Variants in RAD54B observed in about 807,000 individuals in gnomAD.
RAD54B encodes the protein DNA repair and recombination protein RAD54B.
RAD54B carries 78 observed loss-of-function variants against 95.8 expected under a neutral mutation model. The ratio of observed to expected loss-of-function variants is 0.81; its 90% CI spans 0.68 to 0.98. The LOEUF (loss-of-function observed/expected upper bound fraction) is 0.98, where lower values mean the gene tolerates loss of function less well. Ranked by LOEUF, RAD54B falls within the 50% of genes least tolerant of loss-of-function variation. The pLI, the probability that RAD54B is intolerant of heterozygous loss-of-function variation, is 0.00. For missense variants in RAD54B, 957 were observed against 1,056.6 expected, an observed-to-expected ratio of 0.91 and a Z score of 1.31; for synonymous variants, 328 against 354.9, an observed-to-expected ratio of 0.92 and a Z score of 0.85.
At chr8:94,462,158 T>C (rs776535542) in intron 2 of RAD54B, among the ~76,000 whole-genome samples, 72 of 152,204 alleles carry the variant, frequency 4.7e-4, no homozygotes, top group Non-Finnish European at 9.8e-4. Context: ...GGGGCAAGAA[T>C]ACAACAGTTC....
chr8:94,400,276 G>T lies in RAD54B; in HGVS notation c.1132C>A (p.Leu378Ile). Residue 378 changes from leucine (L) to isoleucine (I), a missense_variant, in exon 7 of 15, where the codon CTA (leucine) becomes ATA (isoleucine). Leu to Ile is a conservative substitution (Grantham distance 5). Transcript: ENST00000336148. Reference protein sequence around the residue: ...NNWKKEFQKWLGSERIKIFTV... With the variant: ...NNWKKEFQKWIGSERIKIFTV... ...AATATCTTGATCCTTTCACTTCCTAGCCATTTTTGAAATTCTTTCTTCCAA... is the reference window on the plus strand; with the variant it reads ...AATATCTTGATCCTTTCACTTCCTATCCATTTTTGAAATTCTTTCTTCCAA... 1 of 1,613,570 alleles carries T rather than the reference G, an allele frequency of 6.2e-7. No individual in the cohort carries two copies. Among genetic ancestry groups the T allele is most frequent in the Non-Finnish European group, 8.5e-7 (1 of 1,179,754 alleles).
chr8:94,448,184 T>C (rs1812566045), intron 3 of RAD54B, among the ~76,000 whole-genome samples: 1 of 152,106 alleles, frequency 6.6e-6, no homozygotes, highest in Non-Finnish European at 1.5e-5. Flanking sequence ...CTGAATGTCA[T>C]TATTATTTCA....
At chr8:94,444,352 A>G (rs895285203) in intron 3 of RAD54B, among the ~76,000 whole-genome samples, 6 of 151,878 alleles carry the variant, frequency 4.0e-5, no homozygotes, top group African/African-American at 1.5e-4. Context: ...TGAGAAATAC[A>G]TGCATATGTT....
intron 14 of RAD54B, among the ~76,000 whole-genome samples, chr8:94,377,500 C>A (rs1437052985): frequency 7.4e-6 from 1 of 134,450 alleles, no homozygotes; most frequent in Non-Finnish European, 1.5e-5. Flanking sequence ...TGCACCACTG[C>A]ACTCCAGCCT....
In RAD54B at chr8:94,393,742, C is replaced by A. The variant is rs749688842; in HGVS notation, c.1518+1G>T. 6.4e-7 allele frequency: 1 copy of A among 1,568,870 alleles called. No individual in the cohort carries two copies. The highest frequency in any genetic ancestry group is 2.2e-5 in the East Asian group (1 of 44,470). On this transcript the variant is annotated splice_donor_variant, in intron 9 of 14. Coordinates refer to ENST00000336148, the MANE Select transcript of RAD54B (RefSeq NM_012415.3). LOFTEE classifies it high-confidence loss of function. ...AACCTATTTATTAGAGTAAATTATA[C>A]CTCAGAAGCAGAAGGTTCTCTCGAT...
At chr8:94,407,829 G>A in intron 4 of RAD54B, 109 bp from the exon 5 acceptor site, 2 of 769,284 alleles carry the variant, frequency 2.6e-6, no homozygotes, top group South Asian at 2.9e-5. Context: ...CTTATATAAT[G>A]CATTAGCCAA....
At chr8:94,454,822 C>G (rs981730848) in intron 3 of RAD54B, among the ~76,000 whole-genome samples, 6 of 152,138 alleles carry the variant, frequency 3.9e-5, no homozygotes, top group Non-Finnish European at 8.8e-5. Context: ...AAAGAAAACA[C>G]AAAAGTCTAA....
chr8:94,464,168 T>C (rs1016891729), intron 2 of RAD54B, among the ~76,000 whole-genome samples: 1 of 152,130 alleles, frequency 6.6e-6, no homozygotes, highest in Non-Finnish European at 1.5e-5. Flanking sequence ...TAAAAAGGAC[T>C]TTGCAGATGT....
At chr8:94,441,888 G>A (rs560498209) in intron 3 of RAD54B, among the ~76,000 whole-genome samples, 3 of 152,236 alleles carry the variant, frequency 2.0e-5, no homozygotes, top group African/African-American at 7.2e-5. Flanking sequence ...GGGGTCAAAG[G>A]CCAAACATAT....
chr8:94,474,025 A>G (rs2130221044), intron 1 of RAD54B, among the ~76,000 whole-genome samples: 1 of 152,342 alleles, frequency 6.6e-6, no homozygotes, highest in South Asian at 2.1e-4. Flanking sequence ...AAGGTAGGCT[A>G]GCGCAGCCAT....
At chr8:94,421,306 A>C (rs1178008306) in intron 3 of RAD54B, among the ~76,000 whole-genome samples, 1 of 152,064 alleles carries the variant, frequency 6.6e-6, no homozygotes, top group African/African-American at 2.4e-5. Flanking sequence ...ACATCCTTCA[A>C]ATTTTCCTCT....
At chr8:94,460,866 C>T (rs1812884044) in intron 2 of RAD54B, among the ~76,000 whole-genome samples, 1 of 152,112 alleles carries the variant, frequency 6.6e-6, no homozygotes, top group Non-Finnish European at 1.5e-5. Context: ...TCCCTAATCA[C>T]CATCTCTTTC....
intron 3 of RAD54B, chr8:94,427,926 C>A: frequency 1.1e-6 from 1 of 899,704 alleles, no homozygotes; most frequent in South Asian, 5.3e-5. Context: ...GGTAGAATGA[C>A]TCCTTAAAAA....
chr8:94,382,672 T>C (rs1810773385), intron 11 of RAD54B, among the ~76,000 whole-genome samples: 1 of 152,124 alleles, frequency 6.6e-6, no homozygotes, highest in Non-Finnish European at 1.5e-5. Context: ...AGAACCCCCA[T>C]TTGTTCAGGG....
rs1209508986 is a variant in RAD54B at position 94,378,588 on chromosome 8, A to G, written c.2294T>C (p.Ile765Thr). ...WRDGQKYPVHIYRLLTTGTIE... is the reference protein window; with the variant it reads ...WRDGQKYPVHTYRLLTTGTIE... Reference sequence around the variant, plus strand: ...GTTACCTGTAGTTAGGAGTCTGTAAATATGTACAGGATATTTCTGACCATC... The same window carrying G: ...GTTACCTGTAGTTAGGAGTCTGTAAGTATGTACAGGATATTTCTGACCATC... Residue 765 changes from isoleucine to threonine, a missense_variant, in exon 13 of 15, where the codon ATT becomes ACT. By Grantham distance (89) the Ile-to-Thr change is moderately conservative. Transcript: ENST00000336148. 1 of 1,608,612 alleles carries G rather than the reference A, an allele frequency of 6.2e-7. No individual in the cohort carries two copies. The highest frequency in any genetic ancestry group is 8.5e-7 in the Non-Finnish European group (1 of 1,177,110).
chr8:94,442,139 C>T (rs73271953), intron 3 of RAD54B, among the ~76,000 whole-genome samples: 14,450 of 152,088 alleles, frequency 0.095, 1,251 homozygotes, highest in African/African-American at 0.22. Context: ...AACCCAAGCA[C>T]GGAAAGACAA....
chr8:94,390,670 G>A (rs1437843954), intron 10 of RAD54B, among the ~76,000 whole-genome samples: 8 of 149,770 alleles, frequency 5.3e-5, no homozygotes, highest in Admixed American at 5.3e-4. Flanking sequence ...GGTAATACTA[G>A]TACTTATTCC....
chr8:94,393,253 T>C (rs1366969101), intron 9 of RAD54B, among the ~76,000 whole-genome samples: 1 of 152,194 alleles, frequency 6.6e-6, no homozygotes, highest in Non-Finnish European at 1.5e-5. Context: ...TGTGCCAACG[T>C]ACATTCCAAC....
intron 3 of RAD54B, chr8:94,430,809 G>C (rs1258085451): frequency 1.0e-6 from 1 of 985,260 alleles, no homozygotes; most frequent in Non-Finnish European, 1.2e-6. Context: ...AATTCTGCTG[G>C]AGCTAAACAG....
Sources: gnomAD v4.1 joint callset for allele counts (sites outside exome capture counted in the v4.1 genomes callset) on GRCh38, gnomAD v4.1.1 for gene constraint, MANE v1.5 for transcripts, NCBI Gene and HGNC (gene_info 2026-07-23, HGNC 2026-07-21) for gene names.